The following ZNF609 variants were observed in gnomAD, a reference collection of about 807,000 sequenced individuals.
ZNF609 encodes the protein zinc finger protein 609.
In ZNF609, 11 loss-of-function variants were observed where a neutral mutation model predicts 109.5. The ratio of observed to expected loss-of-function variants is 0.10; its 90% CI spans 0.06 to 0.17. The LOEUF (loss-of-function observed/expected upper bound fraction) is 0.17. Among genes scored for constraint, ZNF609 ranks in the 10% least tolerant of loss-of-function variants. The pLI, the probability that ZNF609 is intolerant of heterozygous loss-of-function variation, is 1.00. For missense variants in ZNF609, 1,559 were observed against 1,772.4 expected, an observed-to-expected ratio of 0.88 and a Z score of 2.16; for synonymous variants, 646 against 662.0, an observed-to-expected ratio of 0.98 and a Z score of 0.37.
rs1416452685 is a variant in ZNF609 at position 64,534,092 on chromosome 15, A to G, written c.747+33926A>G. 2.7e-5 allele frequency among the ~76,000 whole-genome samples: 4 copies of G among 148,022 alleles called. No individual in the cohort carries two copies. In the East Asian group the frequency reaches 5.9e-4, roughly 22 times the overall value. ...AATGGCACAACCTCAGCTCACCGCA[A>G]CCTCTGCCTCCCGGGTTGAAGCGAT... On this transcript the variant is annotated intron_variant, in intron 2 of 9. Transcript: ENST00000326648.
At chr15:64,562,355 G>C (rs895837522) in intron 2 of ZNF609, among the ~76,000 whole-genome samples, 1 of 152,146 alleles carries the variant, frequency 6.6e-6, no homozygotes, top group African/African-American at 2.4e-5. Context: ...AATAGCCTTG[G>C]CATTTGAAGA....
At chr15:64,656,005 C>T (rs771176454) in intron 3 of ZNF609, among the ~76,000 whole-genome samples, 1 of 152,114 alleles carries the variant, frequency 6.6e-6, no homozygotes. Flanking sequence ...TAAGTAGCAG[C>T]TTTTGGCGAA....
chr15:64,529,802 C>T (rs187631480), intron 2 of ZNF609: 1 of 454,506 alleles, frequency 2.2e-6, no homozygotes, highest in East Asian at 5.1e-5. Flanking sequence ...GCAACCTCGG[C>T]TCACCACAAC....
chr15:64,595,456 G>A (rs1028990510), intron 2 of ZNF609, among the ~76,000 whole-genome samples: 2 of 151,950 alleles, frequency 1.3e-5, no homozygotes, highest in Non-Finnish European at 2.9e-5. Flanking sequence ...AAAACACCAA[G>A]AGAGGGAGGG....
chr15:64,477,136 CTTTTTTTTTTT>C (rs911785223), intron 1 of ZNF609, among the ~76,000 whole-genome samples: 7 of 105,784 alleles, frequency 6.6e-5, no homozygotes, highest in South Asian at 3.1e-4. Context: ...TCTTCTCTTT[CTTTTTTTTTTT>C]TTTTTTTTTT....
At chr15:64,481,319 CT>C (rs889184379) in intron 1 of ZNF609, among the ~76,000 whole-genome samples, 14,851 of 127,140 alleles carry the variant, frequency 0.12, 1,084 homozygotes, top group African/African-American at 0.26. Flanking sequence ...TTTCTTTTTT[CT>C]TTTTTTTTTT....
chr15:64,654,698 C>G (rs948676892), intron 3 of ZNF609, among the ~76,000 whole-genome samples: 1 of 152,158 alleles, frequency 6.6e-6, no homozygotes, highest in Non-Finnish European at 1.5e-5. Context: ...TAGCCCCTTA[C>G]TACAGATAGG....
At chr15:64,493,203 T>G (rs1381182179) in intron 1 of ZNF609, among the ~76,000 whole-genome samples, 3 of 152,158 alleles carry the variant, frequency 2.0e-5, no homozygotes, top group Non-Finnish European at 4.4e-5. Flanking sequence ...GAAAGAGAAA[T>G]GTAGTGTTTC....
chr15:64,580,962 T>C lies in ZNF609; in HGVS notation c.748-41865T>C, dbSNP rs1240247166. Among the ~76,000 whole-genome samples the C allele has an allele frequency of 2.9e-5, 4 of 139,686 alleles. No homozygotes were observed. The East Asian group carries it at 6.2e-4, about 22-fold the overall frequency. The allele number at this position is 139,686 out of a possible 152,430, so 91.6% of individuals were successfully genotyped here. ...TCTAGTCTTCAATGTCTTCTTTTTT[T>C]TTTTTTTTTTTTTTTTTTTTTGAGA... On this transcript the variant is annotated intron_variant, in intron 2 of 9. Transcript: ENST00000326648.
Position 64,477,215 on chromosome 15 carries a change from A to G in ZNF609, c.-128+16377A>G, listed in dbSNP as rs144261381. On this transcript the variant is annotated intron_variant, in intron 1 of 9. Coordinates refer to ENST00000326648, the MANE Select transcript of ZNF609 (RefSeq NM_015042.2). Reference sequence around the variant, plus strand: ...GAGTGCAGTGGCGTGATCTTGGCTCACTGCAAGCTCTGCCTCCCCGGTTCA... The same window carrying G: ...GAGTGCAGTGGCGTGATCTTGGCTCGCTGCAAGCTCTGCCTCCCCGGTTCA... 5.2e-5 allele frequency among the ~76,000 whole-genome samples: 7 copies of G among 133,372 alleles called. No individual in the cohort carries two copies. The South Asian group carries it at 6.7e-4, about 13-fold the overall frequency. 87.5% of individuals were successfully genotyped at this position (133,372 alleles called of 152,430 possible). A position where few individuals can be genotyped will look rare whatever the true frequency, so the allele number is the denominator to read the frequency against.
intron 2 of ZNF609, among the ~76,000 whole-genome samples, chr15:64,504,792 T>G (rs1893610600): frequency 6.6e-6 from 1 of 151,806 alleles, no homozygotes; most frequent in Admixed American, 6.6e-5. Context: ...ATTTGCTTAT[T>G]TTTAAGGCAG....
chr15:64,558,342 T>A (rs1894623879), intron 2 of ZNF609, among the ~76,000 whole-genome samples: 1 of 152,196 alleles, frequency 6.6e-6, no homozygotes, highest in Non-Finnish European at 1.5e-5. Flanking sequence ...GCAGTTTACT[T>A]TATCTCTCAA....
At chr15:64,498,385 C>T (rs1187822432) in intron 1 of ZNF609, among the ~76,000 whole-genome samples, 1 of 152,112 alleles carries the variant, frequency 6.6e-6, no homozygotes, top group Non-Finnish European at 1.5e-5. Context: ...CACCACCACC[C>T]CCTTTTGTAG....
chr15:64,684,759 CAT>C lies in ZNF609; in HGVS notation c.*3074_*3075del, dbSNP rs1056812362. 2 of 152,804 alleles carry C rather than the reference CAT, an allele frequency of 1.3e-5. No individual in the cohort carries two copies. Among genetic ancestry groups the C allele is most frequent in the African/African-American group, 4.8e-5 (2 of 41,582 alleles). The allele number at this position is 152,804 out of a possible 1,614,324, so 9.5% of individuals were successfully genotyped here. On this transcript the variant is annotated 3_prime_UTR_variant, in exon 10 of 10. Transcript: ENST00000326648. Reference sequence around the variant, plus strand: ...ATTTCATACAGGCTTTGAGGCCACCCATGTCACTTATCCCGTATACCCTCTCA... The same window carrying C: ...ATTTCATACAGGCTTTGAGGCCACCCGTCACTTATCCCGTATACCCTCTCA...
At chr15:64,483,981 C>T (rs912690398) in intron 1 of ZNF609, among the ~76,000 whole-genome samples, 1 of 151,532 alleles carries the variant, frequency 6.6e-6, no homozygotes, top group African/African-American at 2.4e-5. Flanking sequence ...TCCCCCATTG[C>T]ACTGTGCTGC....
In ZNF609 at chr15:64,685,756, C is replaced by T. The variant is rs1490595992; in HGVS notation, c.*4070C>T. 4.6e-5 allele frequency: 7 copies of T among 152,670 alleles called. No homozygotes were observed. The highest frequency in any genetic ancestry group is 4.6e-4 in the Admixed American group (7 of 15,274). The allele number at this position is 152,670 out of a possible 1,614,324, so 9.5% of individuals were successfully genotyped here. A position where few individuals can be genotyped will look rare whatever the true frequency, so the allele number is the denominator to read the frequency against. ...CCTAAAACTCCCCCGACATTCCAGC[C>T]TCTAGAATGCTCTGATCCAGAGCTC... is the stretch of plus-strand genomic sequence containing the variant. On this transcript the variant is annotated 3_prime_UTR_variant, in exon 10 of 10. Transcript: ENST00000326648.
chr15:64,559,445 T>C (rs1894644095), intron 2 of ZNF609, among the ~76,000 whole-genome samples: 1 of 152,144 alleles, frequency 6.6e-6, no homozygotes, highest in African/African-American at 2.4e-5. Context: ...AAGGAGACCA[T>C]TGGTAGCCAA....
At chr15:64,508,594 T>G (rs1316920601) in intron 2 of ZNF609, among the ~76,000 whole-genome samples, 1 of 151,908 alleles carries the variant, frequency 6.6e-6, no homozygotes, top group African/African-American at 2.4e-5. Flanking sequence ...GGGCCCTGTA[T>G]CAGCAGCAAA....
chr15:64,492,680 C>T (rs1357874531), intron 1 of ZNF609, among the ~76,000 whole-genome samples: 2 of 152,186 alleles, frequency 1.3e-5, no homozygotes, highest in Non-Finnish European at 2.9e-5. Flanking sequence ...CTGTACCCAG[C>T]TTTGACTTGT....
Sources: allele counts gnomAD v4.1 joint callset (sites outside exome capture counted in the v4.1 genomes callset), GRCh38; gene constraint gnomAD v4.1.1; transcripts MANE v1.5; gene names NCBI Gene and HGNC (gene_info 2026-07-23, HGNC 2026-07-21).